The following ZFHX3 variants were observed in gnomAD, a reference collection of about 807,000 sequenced individuals.
The protein encoded by ZFHX3 is zinc finger homeobox 3.
ZFHX3 carries 42 observed loss-of-function variants against 279.1 expected under a neutral mutation model. The observed-to-expected ratio is 0.15, with a 90% confidence interval of 0.12 to 0.19. The LOEUF (loss-of-function observed/expected upper bound fraction) is 0.19, where lower values mean the gene tolerates loss of function less well. Among genes scored for constraint, ZFHX3 ranks in the 10% least tolerant of loss-of-function variants. The probability of loss-of-function intolerance (pLI) is 1.00; values close to 1 mark genes in which losing one functional copy is unlikely to be tolerated. For synonymous variants in ZFHX3, 2,293 were observed against 1,957.8 expected, an observed-to-expected ratio of 1.17 and a Z score of -4.52; for missense variants, 4,981 against 4,754.0, an observed-to-expected ratio of 1.05 and a Z score of -1.40.
chr16:72,992,848 G>A (rs947683314), intron 1 of ZFHX3, among the ~76,000 whole-genome samples: 1 of 152,202 alleles, frequency 6.6e-6, no homozygotes, highest in Non-Finnish European at 1.5e-5. Context: ...ATCAAAAACT[G>A]CAGAAAGGCC....
At chr16:73,380,972 C>T (rs1214894043) in intron 3 of ZFHX3, among the ~76,000 whole-genome samples, 4 of 152,184 alleles carry the variant, frequency 2.6e-5, no homozygotes, top group African/African-American at 9.6e-5. Context: ...ACAGTAGCTG[C>T]TTCTCGCATT....
At chr16:73,807,452 C>A (rs1355318589) in intron 1 of ZFHX3, among the ~76,000 whole-genome samples, 1 of 152,014 alleles carries the variant, frequency 6.6e-6, no homozygotes, top group African/African-American at 2.4e-5. Context: ...CCAACATCAT[C>A]TGTTAAAAGC....
intron 2 of ZFHX3, among the ~76,000 whole-genome samples, chr16:73,631,106 G>A (rs2052464439): frequency 6.6e-6 from 1 of 152,168 alleles, no homozygotes; most frequent in African/African-American, 2.4e-5. Flanking sequence ...GCCATTACCA[G>A]TAAGAGTTGT....
At chr16:73,466,495 C>A (rs1418048492) in intron 2 of ZFHX3, among the ~76,000 whole-genome samples, 1 of 152,102 alleles carries the variant, frequency 6.6e-6, no homozygotes, top group Non-Finnish European at 1.5e-5. Context: ...ACCACCATCA[C>A]CATCACCACC....
At chr16:73,164,777 A>G (rs982273259) in intron 5 of ZFHX3, among the ~76,000 whole-genome samples, 1 of 151,952 alleles carries the variant, frequency 6.6e-6, no homozygotes. Flanking sequence ...AGGCTTTGCC[A>G]TGGACCAAGC....
intron 2 of ZFHX3, among the ~76,000 whole-genome samples, chr16:73,473,244 G>C (rs2018700520): frequency 6.6e-6 from 1 of 151,220 alleles, no homozygotes; most frequent in South Asian, 2.1e-4. Context: ...TGCTGAGGTG[G>C]GAGGGTCACT....
chr16:72,922,419 C>T (rs571805067), intron 3 of ZFHX3, among the ~76,000 whole-genome samples: 9 of 152,186 alleles, frequency 5.9e-5, no homozygotes, highest in Non-Finnish European at 1.3e-4. Flanking sequence ...TGAAGTTCAT[C>T]TCATCCTATT....
At chr16:73,762,222 A>G (rs189768761) in intron 1 of ZFHX3, among the ~76,000 whole-genome samples, 3 of 152,204 alleles carry the variant, frequency 2.0e-5, no homozygotes, top group African/African-American at 4.8e-5. Flanking sequence ...GCCAACAAAC[A>G]TATGAAAGAA....
At chr16:73,379,152 G>GT (rs912895809) in intron 3 of ZFHX3, among the ~76,000 whole-genome samples, 1 of 152,142 alleles carries the variant, frequency 6.6e-6, no homozygotes, top group African/African-American at 2.4e-5. Context: ...TTTTTAGGAT[G>GT]TTTTTACTGA....
chr16:73,203,760 C>G (rs2011687991), intron 5 of ZFHX3, among the ~76,000 whole-genome samples: 1 of 152,194 alleles, frequency 6.6e-6, no homozygotes, highest in South Asian at 2.1e-4. Context: ...ATAGGCTGTA[C>G]TAAGAGACTT....
intron 5 of ZFHX3, among the ~76,000 whole-genome samples, chr16:73,199,636 A>G (rs1968226616): frequency 6.6e-6 from 1 of 152,128 alleles, no homozygotes; most frequent in African/African-American, 2.4e-5. Flanking sequence ...GATTCTTAAC[A>G]CCTCAAGGTA....
intron 4 of ZFHX3, among the ~76,000 whole-genome samples, chr16:73,260,209 A>C (rs1018306306): frequency 6.6e-6 from 1 of 152,194 alleles, no homozygotes; most frequent in Non-Finnish European, 1.5e-5. Context: ...ATTTTTGACA[A>C]AAATAACATG....
chr16:73,738,872 G>C (rs1460982704), intron 1 of ZFHX3, among the ~76,000 whole-genome samples: 1 of 152,098 alleles, frequency 6.6e-6, no homozygotes, highest in African/African-American at 2.4e-5. Flanking sequence ...ATTACAAGAT[G>C]GAAGAAAGGG....
chr16:73,111,425 A>G (rs1023036306), intron 7 of ZFHX3, among the ~76,000 whole-genome samples: 1 of 152,192 alleles, frequency 6.6e-6, no homozygotes, highest in East Asian at 1.9e-4. Context: ...GTTACACAGC[A>G]TACACAGAAT....
At chr16:72,920,695 A>G (rs2039563250) in intron 3 of ZFHX3, among the ~76,000 whole-genome samples, 1 of 151,804 alleles carries the variant, frequency 6.6e-6, no homozygotes, top group Non-Finnish European at 1.5e-5. Flanking sequence ...AAAAAAACAC[A>G]CCTAGAGGAA....
chr16:72,909,962 C>A (rs1204561259), intron 3 of ZFHX3, among the ~76,000 whole-genome samples: 1 of 151,468 alleles, frequency 6.6e-6, no homozygotes, highest in East Asian at 1.9e-4. Flanking sequence ...AAAGTCAACA[C>A]CTATTTAAGA....
At chr16:72,897,377 G>A (rs1329191547) in intron 3 of ZFHX3, among the ~76,000 whole-genome samples, 1 of 152,194 alleles carries the variant, frequency 6.6e-6, no homozygotes, top group East Asian at 1.9e-4. Context: ...GACATAGCGG[G>A]TGTTCATTCA....
intron 3 of ZFHX3, among the ~76,000 whole-genome samples, chr16:73,450,853 C>T (rs535380611): frequency 7.6e-4 from 115 of 152,296 alleles, no homozygotes; most frequent in Admixed American, 1.1e-3. Flanking sequence ...ATTCCCATTT[C>T]TGCATTTTCT....
intron 8 of ZFHX3, among the ~76,000 whole-genome samples, chr16:73,077,398 C>T (rs1294393204): frequency 6.6e-6 from 1 of 151,704 alleles, no homozygotes; most frequent in South Asian, 2.1e-4. Context: ...GATTAGGACA[C>T]TGCGCACTTC....
Sources: gnomAD v4.1 joint callset for allele counts (sites outside exome capture counted in the v4.1 genomes callset) on GRCh38, gnomAD v4.1.1 for gene constraint, MANE v1.5 for transcripts, NCBI Gene and HGNC (gene_info 2026-07-23, HGNC 2026-07-21) for gene names.